Variants in KCNB2 observed in about 807,000 individuals in gnomAD.
KCNB2 encodes the protein potassium voltage-gated channel subfamily B member 2.
In KCNB2, 15 loss-of-function variants were observed where a neutral mutation model predicts 61.5. The ratio of observed to expected loss-of-function variants is 0.24; its 90% CI spans 0.16 to 0.38. The LOEUF (loss-of-function observed/expected upper bound fraction) is 0.38. KCNB2 is among the 10% of genes least tolerant of loss of function. The pLI is 1.00. For synonymous variants in KCNB2, 457 were observed against 446.0 expected (o/e 1.02, Z -0.31); for missense variants, 828 against 1,125.2 (o/e 0.74, Z 3.78).
chr8:72,777,351 G>T (rs1808672924), intron 2 of KCNB2, among the ~76,000 whole-genome samples: 1 of 152,158 alleles, frequency 6.6e-6, no homozygotes, highest in Non-Finnish European at 1.5e-5. Context: ...GGTTTGTTAG[G>T]TATGGGGGTG....
intron 2 of KCNB2, among the ~76,000 whole-genome samples, chr8:72,569,128 C>G (rs1202868117): frequency 6.6e-6 from 1 of 152,052 alleles, no homozygotes; most frequent in African/African-American, 2.4e-5. Flanking sequence ...TAGCTCAAAC[C>G]AATTTTCACT....
chr8:72,619,085 T>C (rs1173533846), intron 2 of KCNB2: 1 of 294,228 alleles, frequency 3.4e-6, no homozygotes, highest in African/African-American at 2.3e-5. Flanking sequence ...TGAGATCCTC[T>C]TTTTGACATT....
At chr8:72,771,553 G>A (rs531098196) in intron 2 of KCNB2, among the ~76,000 whole-genome samples, 37 of 152,216 alleles carry the variant, frequency 2.4e-4, no homozygotes, top group African/African-American at 8.4e-4. Flanking sequence ...AAAAGTAATT[G>A]CAGTTTTGCC....
intron 2 of KCNB2, among the ~76,000 whole-genome samples, chr8:72,868,130 G>A (rs968350502): frequency 6.7e-6 from 1 of 149,462 alleles, no homozygotes; most frequent in Non-Finnish European, 1.5e-5. Context: ...AGAGTTCAAT[G>A]GTGCAATCAT....
intron 1 of KCNB2, among the ~76,000 whole-genome samples, chr8:72,546,969 G>A (rs1452952018): frequency 6.6e-6 from 1 of 152,204 alleles, no homozygotes; most frequent in Admixed American, 6.5e-5. Flanking sequence ...TCAAAGGACA[G>A]GCTTACTCTC....
At chr8:72,795,106 T>A (rs764260670) in intron 2 of KCNB2, among the ~76,000 whole-genome samples, 1 of 152,192 alleles carries the variant, frequency 6.6e-6, no homozygotes, top group Non-Finnish European at 1.5e-5. Flanking sequence ...GTGGGATCGG[T>A]ACAAGATCAT....
chr8:72,715,310 C>T (rs930337491), intron 2 of KCNB2, among the ~76,000 whole-genome samples: 4 of 152,126 alleles, frequency 2.6e-5, no homozygotes, highest in African/African-American at 9.7e-5. Context: ...ACCAAGCAGA[C>T]CTAATAGACA....
intron 2 of KCNB2, among the ~76,000 whole-genome samples, chr8:72,638,332 A>G (rs1426075723): frequency 6.6e-6 from 1 of 152,098 alleles, no homozygotes; most frequent in Non-Finnish European, 1.5e-5. Context: ...ATGGAAATTC[A>G]CAAAAGATTG....
intron 2 of KCNB2, among the ~76,000 whole-genome samples, chr8:72,755,903 C>A (rs1341275057): frequency 6.6e-6 from 1 of 152,178 alleles, no homozygotes; most frequent in Non-Finnish European, 1.5e-5. Flanking sequence ...CCGGTAGCAT[C>A]TTCATCCTGC....
At chr8:72,738,956 A>G (rs1243340789) in intron 2 of KCNB2, among the ~76,000 whole-genome samples, 1 of 152,200 alleles carries the variant, frequency 6.6e-6, no homozygotes, top group African/African-American at 2.4e-5. Flanking sequence ...GTTTTTAAAA[A>G]AATTATTTAC....
chr8:72,625,655 G>A (rs751557105), intron 2 of KCNB2, among the ~76,000 whole-genome samples: 15 of 152,150 alleles, frequency 9.9e-5, no homozygotes, highest in Non-Finnish European at 1.9e-4. Flanking sequence ...GGTCTTGAAC[G>A]CTTGGGCTCA....
At chr8:72,557,805 CAT>C (rs1196520111) in intron 1 of KCNB2, among the ~76,000 whole-genome samples, 4 of 152,236 alleles carry the variant, frequency 2.6e-5, no homozygotes. Context: ...TAGCACTGTC[CAT>C]TGTTGGGCAA....
chr8:72,677,626 T>C (rs1285031275), intron 2 of KCNB2, among the ~76,000 whole-genome samples: 1 of 152,220 alleles, frequency 6.6e-6, no homozygotes, highest in African/African-American at 2.4e-5. Flanking sequence ...TATCTCAGTA[T>C]TTATTTTATG....
At chr8:72,923,170 T>C (rs1342229830) in intron 2 of KCNB2, among the ~76,000 whole-genome samples, 1 of 152,048 alleles carries the variant, frequency 6.6e-6, no homozygotes, top group Non-Finnish European at 1.5e-5. Context: ...AAGGTTTTTA[T>C]TATGCAGATG....
chr8:72,839,018 G>A lies in KCNB2; in HGVS notation c.580-96917G>A, dbSNP rs139099526. Among the ~76,000 whole-genome samples the A allele has an allele frequency of 7.9e-5, 12 of 151,944 alleles. 1 individual carries two copies. In the East Asian group the frequency reaches 1.4e-3, roughly 17 times the overall value. The stretch of plus-strand genomic sequence containing the variant: ...AAATTTTTAAAATTTTAATTCACAA[G>A]GTAATCTAACATACACTATTTTAAA... On this transcript the variant is annotated intron_variant, in intron 2 of 2. Coordinates refer to ENST00000523207, the MANE Select transcript of KCNB2 (RefSeq NM_004770.3).
rs767711810 is a variant in KCNB2 at position 72,938,029 on chromosome 8, C to T, written c.2674C>T (p.Pro892Ser). 5 of 1,613,818 alleles carry T rather than the reference C, an allele frequency of 3.1e-6. No homozygotes were observed. The Admixed American group carries it at 6.7e-5, about 22-fold the overall frequency. The change falls in exon 3 of 3, where the codon CCA (proline) becomes TCA (serine). Residue 892 changes from proline (P) to serine (S), a missense_variant. Around this residue, in one of 4 missense-constraint regions of KCNB2, gnomAD observed 559 missense variants for 588.4 expected, o/e 0.95. Transcript: ENST00000523207. The part of the protein sequence containing the change: ...GCKMENHLFA[P>S]EIHSNPGDTG... ...CAAGATGGAAAATCACTTGTTTGCC[C>T]CAGAAATTCATTCCAACCCAGGAGA...
chr8:72,774,415 A>G (rs547360738), intron 2 of KCNB2, among the ~76,000 whole-genome samples: 1 of 152,298 alleles, frequency 6.6e-6, no homozygotes, highest in East Asian at 1.9e-4. Context: ...CAGTGGCGCA[A>G]TCTCGGCTCA....
intron 2 of KCNB2, among the ~76,000 whole-genome samples, chr8:72,749,631 G>A (rs1037299038): frequency 1.5e-4 from 22 of 150,364 alleles, no homozygotes; most frequent in Middle Eastern, 3.4e-3. Context: ...GACAAGAGAG[G>A]TAACATTTTA....
chr8:72,851,840 A>AAAAAAAAAAACAAAAC (rs1554538995), intron 2 of KCNB2, among the ~76,000 whole-genome samples: 10 of 134,530 alleles, frequency 7.4e-5, no homozygotes, highest in African/African-American at 2.1e-4. Context: ...AAAAAAAAAA[A>AAAAAAAAAAACAAAAC]AAAAAAAACA....
Sources: gnomAD v4.1 joint callset for allele counts (sites outside exome capture counted in the v4.1 genomes callset) on GRCh38, gnomAD v4.1.1 for gene constraint, gnomAD v4.1.1 regional missense constraint, MANE v1.5 for transcripts, NCBI Gene and HGNC (gene_info 2026-07-23, HGNC 2026-07-21) for gene names.